The following ZNF705A variants were observed in gnomAD, a reference collection of about 807,000 sequenced individuals.
The protein encoded by ZNF705A is zinc finger protein 705A.
Under a neutral mutation model 16.6 loss-of-function variants are expected in ZNF705A, and 8 were observed. The observed-to-expected ratio is 0.48, with a 90% CI of 0.28 to 0.87. The LOEUF is 0.87. ZNF705A is among the 40% of genes least tolerant of loss of function. The pLI, the probability that ZNF705A is intolerant of heterozygous loss-of-function variation, is 0.10. For missense variants in ZNF705A, 233 were observed against 359.9 expected, an observed-to-expected ratio of 0.65 and a Z score of 2.85; for synonymous variants, 73 against 117.3, an observed-to-expected ratio of 0.62 and a Z score of 2.44.
chr12:8,169,791 G>A (rs1166996398), upstream of ZNF705A, among the ~76,000 whole-genome samples: 1 of 152,192 alleles, frequency 6.6e-6, no homozygotes, highest in East Asian at 1.9e-4. Flanking sequence ...CTAAATAGCC[G>A]TGAAAGGGCT....
At chr12:8,168,516 A>G (rs1179709917), upstream of ZNF705A, among the ~76,000 whole-genome samples, 5 of 152,228 alleles carry the variant, frequency 3.3e-5, no homozygotes, top group Non-Finnish European at 5.9e-5. Context: ...ATATCTCATT[A>G]TTTGAACTGC....
exon 5 of ZNF705A, chr12:8,177,744 G>A: frequency 1.7e-6 from 2 of 1,191,494 alleles, no homozygotes; most frequent in Non-Finnish European, 2.3e-6. Flanking sequence ...CACTGTGTTA[G>A]GAATGACGAA....
chr12:8,171,335 C>T (rs1948443261), upstream of ZNF705A, among the ~76,000 whole-genome samples: 1 of 151,832 alleles, frequency 6.6e-6, no homozygotes, highest in African/African-American at 2.4e-5. Flanking sequence ...TGCATGTTTC[C>T]CCCTGTCTCA....
intron 4 of ZNF705A, among the ~76,000 whole-genome samples, chr12:8,176,338 G>C (rs1016538376): frequency 6.6e-6 from 1 of 152,252 alleles, no homozygotes; most frequent in South Asian, 2.1e-4. Flanking sequence ...CCAAAGTTAA[G>C]GACATGCACC....
chr12:8,175,906 T>C, exon 4 of ZNF705A: 1 of 1,611,576 alleles, frequency 6.2e-7, no homozygotes, highest in South Asian at 1.1e-5. Context: ...CCATGCATCC[T>C]ATCACCAGAA....
chr12:8,172,039 A>G (rs1303794282), upstream of ZNF705A, among the ~76,000 whole-genome samples: 3 of 152,102 alleles, frequency 2.0e-5, no homozygotes, highest in Non-Finnish European at 2.9e-5. Flanking sequence ...ACTCGACCCT[A>G]AAACAGATTC....
At chr12:8,159,772 C>T (rs947656383) in intron 1 of ZNF705A, among the ~76,000 whole-genome samples, 9 of 151,872 alleles carry the variant, frequency 5.9e-5, no homozygotes, top group African/African-American at 9.7e-5. Context: ...TCCCAGTCTC[C>T]GGGCTGTTTA....
intron 1 of ZNF705A, among the ~76,000 whole-genome samples, chr12:8,166,281 T>G (rs755444013): frequency 6.6e-6 from 1 of 152,326 alleles, no homozygotes; most frequent in Admixed American, 6.5e-5. Context: ...ACATACAGGC[T>G]TTTCCATACA....
At chr12:8,166,691 G>A (rs749063361) in intron 1 of ZNF705A, among the ~76,000 whole-genome samples, 2 of 152,370 alleles carry the variant, frequency 1.3e-5, no homozygotes, top group East Asian at 1.9e-4. Context: ...AATACCCCAT[G>A]GAAATTGCCA....
exon 5 of ZNF705A, chr12:8,177,845 G>A: frequency 1.7e-6 from 1 of 592,162 alleles, no homozygotes; most frequent in South Asian, 2.1e-5. Flanking sequence ...GAATCAACAT[G>A]GAAGATACTT....
intron 1 of ZNF705A, among the ~76,000 whole-genome samples, chr12:8,161,461 C>T (rs1948354304): frequency 6.6e-6 from 1 of 151,468 alleles, no homozygotes; most frequent in Non-Finnish European, 1.5e-5. Flanking sequence ...TTTAAATTAC[C>T]ATTTCAATCT....
chr12:8,175,418 A>T (rs1464435784), intron 3 of ZNF705A, 95 bp downstream of exon 4: 1 of 1,217,550 alleles, frequency 8.2e-7, no homozygotes, highest in African/African-American at 1.5e-5. Flanking sequence ...TAAATGAGTG[A>T]TAATTTCTAA....
In ZNF705A at chr12:8,175,931, A is replaced by G. The variant is rs751152372; in HGVS notation, c.307A>G (p.Ser103Gly). 3 of 1,611,564 alleles carry G rather than the reference A, an allele frequency of 1.9e-6. No homozygotes were observed. The East Asian group carries it at 6.7e-5, about 36-fold the overall frequency. ...TATCACCAGAAAAGACGCATCCACC[A>G]GTATGACAATGGTAAGTTTTATAGC... Residue 103 changes from serine to glycine, a missense_variant, in exon 4 of 5, where the codon AGT becomes GGT. Transcript: ENST00000359286.
intron 2 of ZNF705A, among the ~76,000 whole-genome samples, 164 bp downstream of exon 3, chr12:8,174,616 A>G (rs1948471039): frequency 2.0e-5 from 3 of 152,240 alleles, no homozygotes; most frequent in African/African-American, 7.2e-5. Context: ...TGAAATAAAT[A>G]TCTTTCTTTT....
intron 1 of ZNF705A, among the ~76,000 whole-genome samples, chr12:8,160,436 G>A (rs768014625): frequency 3.3e-5 from 5 of 152,074 alleles, no homozygotes; most frequent in Non-Finnish European, 5.9e-5. Context: ...TGACAATATT[G>A]ATTCTACCCA....
chr12:8,177,023 C>G, exon 5 of ZNF705A: 1 of 1,610,926 alleles, frequency 6.2e-7, no homozygotes, highest in Non-Finnish European at 8.5e-7. Context: ...TCTGGAGGAT[C>G]CTTTTGAATG....
intron 1 of ZNF705A, among the ~76,000 whole-genome samples, chr12:8,174,067 C>A (rs1159645448): frequency 6.6e-6 from 1 of 152,094 alleles, no homozygotes; most frequent in African/African-American, 2.4e-5. Flanking sequence ...TAACACATTA[C>A]TGAAAAATAT....
At chr12:8,162,767 C>A (rs1948367052) in intron 1 of ZNF705A, among the ~76,000 whole-genome samples, 1 of 152,212 alleles carries the variant, frequency 6.6e-6, no homozygotes, top group South Asian at 2.1e-4. Context: ...GTGAGAGATA[C>A]TGTCACAGTT....
At chr12:8,166,927 T>A (rs2120709893) in intron 1 of ZNF705A, among the ~76,000 whole-genome samples, 2 of 151,144 alleles carry the variant, frequency 1.3e-5, no homozygotes, top group Non-Finnish European at 3.0e-5. Flanking sequence ...GGCCCTTTCT[T>A]CATTGTCTTC....
Sources: gnomAD v4.1 joint callset for allele counts (sites outside exome capture counted in the v4.1 genomes callset) on GRCh38, gnomAD v4.1.1 for gene constraint, MANE v1.5 for transcripts, NCBI Gene and HGNC (gene_info 2026-07-23, HGNC 2026-07-21) for gene names.